Variants in CNBD1 observed in about 807,000 individuals in gnomAD.
CNBD1 encodes cyclic nucleotide binding domain containing 1.
CNBD1 carries 71 observed loss-of-function variants against 54.4 expected under a neutral mutation model. The ratio of observed to expected loss-of-function variants is 1.30; its 90% confidence interval spans 1.08 to 1.59. CNBD1 has a LOEUF of 1.59. Among genes scored for constraint, CNBD1 ranks in the 40% most tolerant of loss-of-function variants. CNBD1 has a pLI of 0.00. For synonymous variants in CNBD1, 182 were observed against 170.7 expected, an observed-to-expected ratio of 1.07 and a Z score of -0.51; for missense variants, 659 against 518.0, an observed-to-expected ratio of 1.27 and a Z score of -2.64.
chr8:87,151,829 G>A (rs113131100), intron 4 of CNBD1, among the ~76,000 whole-genome samples: 198 of 152,116 alleles, frequency 1.3e-3, no homozygotes, highest in Non-Finnish European at 2.4e-3. Context: ...AAGGTTATGG[G>A]TCATATTTTG....
intron 4 of CNBD1, among the ~76,000 whole-genome samples, chr8:87,142,164 G>A (rs1053363184): frequency 2.6e-5 from 4 of 152,116 alleles, no homozygotes; most frequent in Admixed American, 1.3e-4. Flanking sequence ...ACCAGGGAAC[G>A]TTATGAAAAG....
At chr8:87,241,268 A>ATTTTTTTTTTTTTTTTTTTTTTTTTTT (rs34829455) in intron 6 of CNBD1, among the ~76,000 whole-genome samples, 2 of 93,864 alleles carry the variant, frequency 2.1e-5, no homozygotes, top group African/African-American at 9.8e-5. Context: ...TATTTGGAAG[A>ATTTTTTTTTTTTTTTTTTTTTTTTTTT]TTTTTTTTTT....
At chr8:86,869,696 C>G (rs1185573567) in intron 1 of CNBD1, among the ~76,000 whole-genome samples, 1 of 152,110 alleles carries the variant, frequency 6.6e-6, no homozygotes, top group African/African-American at 2.4e-5. Flanking sequence ...ACTTTTCATT[C>G]TGGATGAGAA....
chr8:87,105,225 A>G (rs1811508844), intron 4 of CNBD1, among the ~76,000 whole-genome samples: 1 of 152,222 alleles, frequency 6.6e-6, no homozygotes, highest in African/African-American at 2.4e-5. Context: ...TTTGAAAATG[A>G]TGAAAGTAAT....
chr8:87,361,094 T>G (rs534981855), intron 10 of CNBD1, among the ~76,000 whole-genome samples: 18 of 152,084 alleles, frequency 1.2e-4, no homozygotes, highest in African/African-American at 2.9e-4. Context: ...TACACGACTC[T>G]TTCCCCTTTT....
At chr8:87,390,151 G>C (rs1218801047) in intron 2 of CNBD1, among the ~76,000 whole-genome samples, 3 of 151,976 alleles carry the variant, frequency 2.0e-5, no homozygotes, top group Non-Finnish European at 4.4e-5. Flanking sequence ...AACCCTAGGA[G>C]AAAACCTAGG....
At chr8:87,376,117 CTG>C (rs1417436796) in intron 10 of CNBD1, among the ~76,000 whole-genome samples, 1 of 151,838 alleles carries the variant, frequency 6.6e-6, no homozygotes, top group Non-Finnish European at 1.5e-5. Flanking sequence ...TAGACTGTGA[CTG>C]TAAAGGAAAT....
chr8:87,368,192 G>T (rs559021479), intron 10 of CNBD1, among the ~76,000 whole-genome samples: 1 of 134,786 alleles, frequency 7.4e-6, no homozygotes, highest in Non-Finnish European at 1.6e-5. Context: ...AAAAGAATAT[G>T]TTATAGAATT....
intron 5 of CNBD1, among the ~76,000 whole-genome samples, chr8:87,224,863 T>C (rs962239971): frequency 3.3e-5 from 5 of 151,846 alleles, no homozygotes; most frequent in African/African-American, 4.9e-5. Context: ...TATTGATTCT[T>C]CCTACCCATG....
At chr8:87,412,298 G>C (rs1359036887) in intron 2 of CNBD1, among the ~76,000 whole-genome samples, 4 of 151,942 alleles carry the variant, frequency 2.6e-5, no homozygotes, top group Non-Finnish European at 5.9e-5. Context: ...TTAAAACTAA[G>C]ATGAAATGAC....
chr8:87,378,662 T>G (rs1434309153), intron 10 of CNBD1, among the ~76,000 whole-genome samples: 1 of 150,274 alleles, frequency 6.7e-6, no homozygotes, highest in East Asian at 1.9e-4. Context: ...CATATGAACT[T>G]TAAAGTAGTT....
At chr8:87,248,581 C>T (rs1807852412) in intron 6 of CNBD1, among the ~76,000 whole-genome samples, 2 of 152,184 alleles carry the variant, frequency 1.3e-5, no homozygotes, top group Admixed American at 1.3e-4. Flanking sequence ...CTTTGAAGGT[C>T]TCATGGCTTC....
intron 10 of CNBD1, among the ~76,000 whole-genome samples, chr8:87,378,354 T>C (rs1280933817): frequency 6.7e-6 from 1 of 148,836 alleles, no homozygotes; most frequent in African/African-American, 2.5e-5. Context: ...AGGGATCCAG[T>C]TTCAGCTTTC....
In CNBD1 at chr8:86,957,034, C is replaced by G. The variant is rs553475180; in HGVS notation, c.431+17280C>G. Among the ~76,000 whole-genome samples, 359 of 152,244 alleles carry G rather than the reference C, an allele frequency of 2.4e-3. 1 individual carries two copies. The highest frequency in any genetic ancestry group is 8.4e-3 in the African/African-American group (350 of 41,538). ...TACCTAGTTTATTGAGAGTTTTTAG[C>G]ATGAAGGGCTGTTGAATTTCACCAA... On this transcript the variant is annotated intron_variant, in intron 4 of 10. Transcript: ENST00000518476.
intron 8 of CNBD1, among the ~76,000 whole-genome samples, chr8:87,318,344 ACT>A (rs1487663586): frequency 6.6e-6 from 1 of 152,044 alleles, no homozygotes; most frequent in African/African-American, 2.4e-5. Flanking sequence ...GTTCTGAGAC[ACT>A]GTTAAGTACT....
intron 4 of CNBD1, among the ~76,000 whole-genome samples, chr8:87,148,140 T>G (rs969342375): frequency 1.3e-5 from 2 of 152,200 alleles, no homozygotes; most frequent in African/African-American, 4.8e-5. Flanking sequence ...AAAAATATTT[T>G]TCTGAATGGT....
intron 6 of CNBD1, among the ~76,000 whole-genome samples, chr8:87,244,809 TAGAC>T (rs1456781119): frequency 5.3e-5 from 8 of 152,272 alleles, no homozygotes; most frequent in Non-Finnish European, 7.4e-5. Context: ...TAAATTTAAT[TAGAC>T]AGAGACTTCA....
chr8:87,265,216 T>A (rs893891422), intron 6 of CNBD1, among the ~76,000 whole-genome samples: 2 of 152,142 alleles, frequency 1.3e-5, no homozygotes, highest in African/African-American at 4.8e-5. Flanking sequence ...GCTTTCTACA[T>A]ATGGCTAGCC....
chr8:86,974,150 G>A (rs373242146), intron 4 of CNBD1, among the ~76,000 whole-genome samples: 1 of 151,598 alleles, frequency 6.6e-6, no homozygotes, highest in African/African-American at 2.4e-5. Flanking sequence ...TACATATGAA[G>A]AAATATTCAG....
Sources: allele counts gnomAD v4.1 joint callset (sites outside exome capture counted in the v4.1 genomes callset), GRCh38; gene constraint gnomAD v4.1.1; transcripts MANE v1.5; gene names NCBI Gene and HGNC (gene_info 2026-07-23, HGNC 2026-07-21).